ZFHX4: variants seen among roughly 807,000 people sequenced by gnomAD.
The protein encoded by ZFHX4 is zinc finger homeobox protein 4.
ZFHX4 carries 56 observed loss-of-function variants against 267.6 expected under a neutral mutation model. The observed-to-expected ratio is 0.21, with a 90% CI of 0.17 to 0.26. The LOEUF (loss-of-function observed/expected upper bound fraction) is 0.26. Among genes scored for constraint, ZFHX4 ranks in the 10% least tolerant of loss-of-function variants. ZFHX4 has a pLI of 1.00. For missense variants in ZFHX4, 4,332 were observed against 4,420.0 expected, an observed-to-expected ratio of 0.98 and a Z score of 0.56; for synonymous variants, 1,778 against 1,665.6, an observed-to-expected ratio of 1.07 and a Z score of -1.64.
chr8:76,692,688 TTC>T (rs1479976809), intron 1 of ZFHX4, among the ~76,000 whole-genome samples: 4 of 152,028 alleles, frequency 2.6e-5, no homozygotes, highest in Admixed American at 6.6e-5. Context: ...GAAATGAAAG[TTC>T]TGTTTTTTTA....
At chr8:76,710,174 C>A (rs16939336) in intron 3 of ZFHX4, among the ~76,000 whole-genome samples, 17,044 of 152,068 alleles carry the variant, frequency 0.11, 1,577 homozygotes, top group African/African-American at 0.25. Context: ...ACAAACTTAT[C>A]TTGAATTAAT....
At position 76,865,560 on chromosome 8, in the gene ZFHX4, T is replaced by A. The variant is rs558870589; in HGVS notation, c.*995T>A. ...GTTTGGTCTGCATTTGTTAGAAGTT[T>A]AACTCCTAACAACCCAAAGACCTAT... On this transcript the variant is annotated 3_prime_UTR_variant, in exon 11 of 11. Coordinates refer to ENST00000651372, the MANE Select transcript of ZFHX4 (RefSeq NM_024721.5). 6.5e-5 allele frequency: 10 copies of A among 152,674 alleles called. No individual in the cohort carries two copies. The highest frequency in any genetic ancestry group is 2.4e-4 in the African/African-American group (10 of 41,540). 9.5% of individuals were successfully genotyped at this position (152,674 alleles called of 1,614,324 possible).
rs773567914 is a variant in ZFHX4, at chr8:76,864,495, T to C, written c.10781T>C (p.Val3594Ala). The C allele has an allele frequency of 6.2e-7, 1 of 1,613,460 alleles. No individual in the cohort carries two copies. The highest frequency in any genetic ancestry group is 1.7e-4 in the Middle Eastern group (1 of 6,060). ...KLEDLDNSLE[V>A]KAKPASGLDG... ...GAAGACTTAGATAATTCTTTGGAAG[T>C]GAAGGCTAAGCCTGCTTCTGGCCTA... The change falls in exon 11 of 11, where the codon GTG becomes GCG. Residue 3594 changes from valine to alanine, a missense_variant. Val to Ala is a moderately conservative substitution (Grantham distance 64, BLOSUM62 0). Transcript: ENST00000651372.
chr8:76,816,022 G>T (rs1811497921), intron 4 of ZFHX4, among the ~76,000 whole-genome samples: 1 of 152,160 alleles, frequency 6.6e-6, no homozygotes, highest in Non-Finnish European at 1.5e-5. Flanking sequence ...GAAAATAATT[G>T]CAGATGATCA....
chr8:76,703,094 C>G (rs1265834668), intron 1 of ZFHX4, among the ~76,000 whole-genome samples: 1 of 151,916 alleles, frequency 6.6e-6, no homozygotes, highest in Non-Finnish European at 1.5e-5. Flanking sequence ...ATCTTGTCCT[C>G]AACAAATAGG....
intron 4 of ZFHX4, among the ~76,000 whole-genome samples, chr8:76,832,490 G>A (rs926938059): frequency 1.3e-5 from 2 of 152,076 alleles, no homozygotes; most frequent in African/African-American, 4.8e-5. Context: ...TTTTATGAGG[G>A]ATTGGATTGG....
intron 1 of ZFHX4, among the ~76,000 whole-genome samples, chr8:76,686,152 T>C (rs1807687538): frequency 6.6e-6 from 1 of 152,194 alleles, no homozygotes; most frequent in Non-Finnish European, 1.5e-5. Context: ...ATTTCATATG[T>C]GATAGAACAT....
At chr8:76,796,328 A>G (rs1230538275) in intron 4 of ZFHX4, among the ~76,000 whole-genome samples, 1 of 152,206 alleles carries the variant, frequency 6.6e-6, no homozygotes, top group Admixed American at 6.6e-5. Context: ...TTTCTATAGA[A>G]TATGTAGAGA....
intron 4 of ZFHX4, among the ~76,000 whole-genome samples, chr8:76,804,746 T>TA (rs1585963324): frequency 8.5e-4 from 2 of 2,366 alleles, no homozygotes; most frequent in Admixed American, 7.8e-3. Context: ...TTTATTTATT[T>TA]AACCATCCAC....
chr8:76,757,476 T>C (rs1809794326), intron 3 of ZFHX4, among the ~76,000 whole-genome samples: 1 of 152,196 alleles, frequency 6.6e-6, no homozygotes, highest in Non-Finnish European at 1.5e-5. Context: ...CTGAGTGTGA[T>C]GGTCAACCAC....
Position 76,863,991 on chromosome 8 carries a change from G to A in ZFHX4, c.10277G>A (p.Cys3426Tyr). ...DAAVNHQKSF[C>Y]YFGQPLIDPQ... is the part of the protein sequence containing the mutation. ...GCAGTAAATCATCAAAAGTCCTTCT[G>A]TTATTTCGGTCAGCCTTTGATTGAC... is the stretch of plus-strand genomic sequence containing the variant. The change falls in exon 11 of 11, where the codon TGT becomes TAT. Residue 3426 changes from cysteine to tyrosine, a missense_variant. By Grantham distance (194) the Cys-to-Tyr change is radical. This residue lies in a region of ZFHX4 where 1,648 missense variants were observed against 1,625.0 expected (regional missense o/e 1.01). Transcript: ENST00000651372. 1.2e-6 allele frequency: 2 copies of A among 1,613,612 alleles called. No homozygotes were observed. Among genetic ancestry groups the A allele is most frequent in the Non-Finnish European group, 1.7e-6 (2 of 1,179,750 alleles).
Position 76,852,124 on chromosome 8 carries a change from C to A in ZFHX4, c.5203C>A (p.Pro1735Thr). 6.2e-7 allele frequency: 1 copy of A among 1,613,960 alleles called. No individual in the cohort carries two copies. Among genetic ancestry groups the A allele is most frequent in the South Asian group, 1.1e-5 (1 of 91,082 alleles). The change falls in exon 10 of 11, where the codon CCT (proline) becomes ACT (threonine). Residue 1735 changes from proline to threonine, a missense_variant. Transcript: ENST00000651372. ...AGAAGCACTGCTGCAGTTTCAGCAG[C>A]CTCAGTTTCTCTTTCCATTTTATAT... The part of the protein sequence containing the change: ...TPEALLQFQQ[P>T]QFLFPFYIPG...
At chr8:76,795,011 G>A (rs1031671287) in intron 4 of ZFHX4, among the ~76,000 whole-genome samples, 2 of 151,890 alleles carry the variant, frequency 1.3e-5, no homozygotes, top group African/African-American at 4.8e-5. Context: ...AGAGAGTCAA[G>A]TACAAAGTAG....
chr8:76,810,407 C>T (rs1459103018), intron 4 of ZFHX4, among the ~76,000 whole-genome samples: 1 of 152,134 alleles, frequency 6.6e-6, no homozygotes, highest in Admixed American at 6.6e-5. Flanking sequence ...TCATTAGGTC[C>T]TCTCATTGAT....
intron 3 of ZFHX4, among the ~76,000 whole-genome samples, chr8:76,737,026 T>C (rs1423838241): frequency 6.6e-6 from 1 of 152,132 alleles, no homozygotes; most frequent in African/African-American, 2.4e-5. Context: ...TTCCAGTAAA[T>C]ACACAGTTGC....
Position 76,705,711 on chromosome 8 carries a change from T to C in ZFHX4, c.1623T>C (p.Ala541=). ...CAGAAAAGAAAAAACAGACTGCTGC[T>C]GTTAGGGCCAGTGGCAGTGTTGCTA... ...DDTEKKKQTA[A]VRASGSVASN... Residue 541 remains alanine (A), a synonymous_variant, in exon 2 of 11, where the codon GCT becomes GCC. Coordinates refer to ENST00000651372, the MANE Select transcript of ZFHX4 (RefSeq NM_024721.5). 6.2e-7 allele frequency: 1 copy of C among 1,614,038 alleles called. No homozygotes were observed.
chr8:76,850,361 A>G lies in ZFHX4; in HGVS notation c.3963A>G (p.Ser1321=), dbSNP rs370162474. The part of the protein sequence containing the change: ...AVTAEGSGKY[S]GESPMDDKSM... ...CAGCTGAGGGGTCTGGGAAATATTC[A>G]GGTATGCCATCTTATCATCAAGACT... The change falls in exon 9 of 11, where the codon TCA becomes TCG. Residue 1321 remains serine, a splice_region_variant and synonymous_variant. Transcript: ENST00000651372. The G allele has an allele frequency of 9.1e-5, 146 of 1,607,022 alleles. No individual in the cohort carries two copies. The highest frequency in any genetic ancestry group is 1.2e-4 in the Non-Finnish European group (140 of 1,176,286).
intron 3 of ZFHX4, among the ~76,000 whole-genome samples, chr8:76,753,629 CTTTTT>C (rs962115381): frequency 1.7e-5 from 2 of 117,406 alleles, no homozygotes; most frequent in African/African-American, 3.2e-5. Context: ...CGTCTTAGGC[CTTTTT>C]TTTTTTTTTT....
Position 76,867,111 on chromosome 8 carries a change from G to A in ZFHX4, c.*2546G>A, listed in dbSNP as rs141599515. 6.6e-5 allele frequency: 10 copies of A among 152,650 alleles called. No individual in the cohort carries two copies. The South Asian group carries it at 8.3e-4, about 13-fold the overall frequency. The allele number at this position is 152,650 out of a possible 1,614,324, so 9.5% of individuals were successfully genotyped here. A position where few individuals can be genotyped will look rare whatever the true frequency, so the allele number is the denominator to read the frequency against. On this transcript the variant is annotated 3_prime_UTR_variant, in exon 11 of 11. Coordinates refer to ENST00000651372, the MANE Select transcript of ZFHX4 (RefSeq NM_024721.5). The stretch of plus-strand genomic sequence containing the variant: ...TAATGTTTGAAGTCTCAAATGCACC[G>A]TATTACGGTAAATAACATGGTTTTG...
Sources: gnomAD v4.1 joint callset for allele counts (sites outside exome capture counted in the v4.1 genomes callset) on GRCh38, gnomAD v4.1.1 for gene constraint, gnomAD v4.1.1 regional missense constraint, MANE v1.5 for transcripts, NCBI Gene and HGNC (gene_info 2026-07-23, HGNC 2026-07-21) for gene names.